BLTP1: variants seen among roughly 807,000 people sequenced by gnomAD.
BLTP1 encodes the protein bridge-like lipid transfer protein family member 1.
At chr4:122,360,362 G>A in the BLTP1 span, among the ~76,000 whole-genome samples, 6 of 152,134 alleles carry the variant, frequency 3.9e-5, no homozygotes, top group Non-Finnish European at 8.8e-5. Flanking sequence ...TCTATAACTA[G>A]TGGTGCTTGC....
At chr4:122,264,285 C>T in the BLTP1 span, 1 of 1,608,802 alleles carries the variant, frequency 6.2e-7, no homozygotes, top group Non-Finnish European at 8.5e-7. Context: ...ATACCCTCAG[C>T]CTCAGATTTC....
the BLTP1 span, among the ~76,000 whole-genome samples, chr4:122,161,510 A>C: frequency 6.7e-6 from 1 of 150,240 alleles, no homozygotes; most frequent in South Asian, 2.1e-4. Context: ...AGCTCACTGT[A>C]GCCTTGACTT....
At chr4:122,197,471 C>A in the BLTP1 span, 1 of 844,788 alleles carries the variant, frequency 1.2e-6, no homozygotes, top group Non-Finnish European at 1.4e-6. Flanking sequence ...CTTTTCTAAT[C>A]AAGTTCAGTC....
the BLTP1 span, chr4:122,237,241 AG>A: frequency 1.7e-5 from 17 of 985,372 alleles, no homozygotes; most frequent in Non-Finnish European, 2.0e-5. Flanking sequence ...GTTGAGCAAG[AG>A]TTATTTTTTT....
At chr4:122,331,286 C>A in the BLTP1 span, 1 of 1,560,334 alleles carries the variant, frequency 6.4e-7, no homozygotes, top group Admixed American at 1.9e-5. Context: ...AAAGAACTCT[C>A]ATTTTACTAC....
At chr4:122,154,354 T>A in the BLTP1 span, 1 of 984,832 alleles carries the variant, frequency 1.0e-6, no homozygotes, top group African/African-American at 1.8e-5. Context: ...TCTGCCTATA[T>A]TGCTAGGGAA....
the BLTP1 span, among the ~76,000 whole-genome samples, chr4:122,269,879 G>A: frequency 2.0e-5 from 3 of 151,934 alleles, no homozygotes; most frequent in South Asian, 6.2e-4. Flanking sequence ...TGTAACTTTG[G>A]CTCTGCAGTG....
the BLTP1 span, among the ~76,000 whole-genome samples, chr4:122,361,659 A>G: frequency 6.6e-6 from 1 of 152,208 alleles, no homozygotes; most frequent in East Asian, 1.9e-4. Flanking sequence ...TGTTTAGCAC[A>G]TAGCACTCAG....
chr4:122,243,377 G>A, the BLTP1 span: 5 of 979,840 alleles, frequency 5.1e-6, no homozygotes, highest in South Asian at 4.7e-5. Flanking sequence ...CAATGTATTA[G>A]CCATCTTTGA....
At chr4:122,334,949 C>T in the BLTP1 span, among the ~76,000 whole-genome samples, 7 of 152,130 alleles carry the variant, frequency 4.6e-5, no homozygotes, top group South Asian at 1.5e-3. Flanking sequence ...TGGCTTACAA[C>T]CTCAACCACA....
the BLTP1 span, chr4:122,243,120 T>G: frequency 6.6e-7 from 1 of 1,517,630 alleles, no homozygotes; most frequent in Non-Finnish European, 9.1e-7. Flanking sequence ...ATGAGATGGG[T>G]AGAGTTTATT....
the BLTP1 span, chr4:122,224,860 T>G: frequency 3.3e-6 from 5 of 1,501,002 alleles, no homozygotes; most frequent in Non-Finnish European, 4.4e-6. Context: ...AGTTTGACTT[T>G]TCTGAGCCAC....
chr4:122,259,930 T>G, the BLTP1 span: 1 of 916,098 alleles, frequency 1.1e-6, no homozygotes, highest in East Asian at 1.2e-4. Flanking sequence ...ATCTGTAAAA[T>G]GATAATTTTG....
chr4:122,276,111 ATTATTTAG>A, the BLTP1 span: 1 of 1,106,616 alleles, frequency 9.0e-7, no homozygotes, highest in Non-Finnish European at 1.2e-6. Context: ...ATGGCTGTGA[ATTATTTAG>A]TTATTGTTTT....
At chr4:122,289,247 G>C in the BLTP1 span, 1 of 1,224,158 alleles carries the variant, frequency 8.2e-7, no homozygotes, top group East Asian at 2.4e-5. Context: ...CTCATTGAGC[G>C]TGTGATATCC....
chr4:122,219,963 C>T, the BLTP1 span, among the ~76,000 whole-genome samples: 1 of 152,008 alleles, frequency 6.6e-6, no homozygotes, highest in Non-Finnish European at 1.5e-5. Flanking sequence ...CTGGCTTGAC[C>T]CTGGGGGTTG....
the BLTP1 span, chr4:122,187,969 T>C: frequency 3.7e-5 from 59 of 1,597,506 alleles, no homozygotes; most frequent in Middle Eastern, 1.7e-4. Flanking sequence ...TCTTAACTTA[T>C]ACTACAAAAC....
chr4:122,340,802 A>G, the BLTP1 span: 1 of 969,524 alleles, frequency 1.0e-6, no homozygotes, highest in Non-Finnish European at 1.2e-6. Flanking sequence ...TTTTCTGATT[A>G]TAAAAGTTAC....
the BLTP1 span, chr4:122,200,774 T>G: frequency 2.2e-6 from 2 of 912,930 alleles, no homozygotes; most frequent in Non-Finnish European, 2.6e-6. Flanking sequence ...TAGCCTGATT[T>G]GTTGTTCTGA....
Sources: allele counts gnomAD v4.1 joint callset (sites outside exome capture counted in the v4.1 genomes callset), GRCh38; gene constraint gnomAD v4.1.1; transcripts MANE v1.5; gene names NCBI Gene and HGNC (gene_info 2026-07-23, HGNC 2026-07-21).